Variants in ERC2 observed in about 807,000 individuals in gnomAD.
ERC2 encodes the protein ELKS/RAB6-interacting/CAST family member 2.
In ERC2, 42 loss-of-function variants were observed where a neutral mutation model predicts 114.8. The observed-to-expected ratio is 0.37, with a 90% CI of 0.29 to 0.47. The LOEUF (loss-of-function observed/expected upper bound fraction) is 0.47. Among genes scored for constraint, ERC2 ranks in the 20% least tolerant of loss-of-function variants. The pLI, the probability that ERC2 is intolerant of heterozygous loss-of-function variation, is 0.99. For missense variants in ERC2, 939 were observed against 1,150.7 expected, an observed-to-expected ratio of 0.82 and a Z score of 2.66; for synonymous variants, 454 against 425.5, an observed-to-expected ratio of 1.07 and a Z score of -0.82.
intron 14 of ERC2, among the ~76,000 whole-genome samples, chr3:55,865,480 C>T (rs2062263913): frequency 6.6e-6 from 1 of 152,110 alleles, no homozygotes; most frequent in African/African-American, 2.4e-5. Flanking sequence ...ATACAATTCA[C>T]CTACAATTCA....
At chr3:55,865,553 A>G (rs1187594749) in intron 14 of ERC2, among the ~76,000 whole-genome samples, 1 of 151,956 alleles carries the variant, frequency 6.6e-6, no homozygotes, top group Non-Finnish European at 1.5e-5. Context: ...ATCACCCACA[A>G]TCAAATTTTA....
intron 17 of ERC2, among the ~76,000 whole-genome samples, chr3:55,581,888 C>G (rs2057280409): frequency 6.6e-6 from 1 of 152,154 alleles, no homozygotes; most frequent in Admixed American, 6.5e-5. Flanking sequence ...ACACATGAGT[C>G]TTCATCTAGA....
At chr3:56,396,015 T>C (rs1450003557) in intron 2 of ERC2, among the ~76,000 whole-genome samples, 2 of 152,168 alleles carry the variant, frequency 1.3e-5, no homozygotes, top group African/African-American at 4.8e-5. Flanking sequence ...AAAATGAAAT[T>C]CAATCTTTTT....
At chr3:55,622,970 A>G (rs1217621503) in intron 17 of ERC2, among the ~76,000 whole-genome samples, 1 of 152,242 alleles carries the variant, frequency 6.6e-6, no homozygotes, top group African/African-American at 2.4e-5. Context: ...CTGTGGAGCA[A>G]CAAGGGAAGA....
intron 1 of ERC2, among the ~76,000 whole-genome samples, chr3:56,459,524 A>C (rs59475691): frequency 0.4 from 52,735 of 130,536 alleles, 9,444 homozygotes; most frequent in Admixed American, 0.54. Context: ...TAATGCTATC[A>C]GACCACACAC....
chr3:55,870,321 C>T (rs963098977), intron 14 of ERC2, among the ~76,000 whole-genome samples: 34 of 152,260 alleles, frequency 2.2e-4, no homozygotes, highest in African/African-American at 7.7e-4. Flanking sequence ...GTGATCCTCC[C>T]GCCTCAGCCT....
intron 14 of ERC2, among the ~76,000 whole-genome samples, chr3:55,785,813 T>G (rs1054929871): frequency 3.3e-5 from 5 of 152,248 alleles, no homozygotes; most frequent in Non-Finnish European, 7.3e-5. Flanking sequence ...TAATTGTTAC[T>G]GATAACTTCT....
intron 2 of ERC2, among the ~76,000 whole-genome samples, chr3:56,419,866 G>A (rs1035235942): frequency 1.3e-5 from 2 of 152,276 alleles, no homozygotes; most frequent in Non-Finnish European, 1.5e-5. Context: ...AGTGTACATG[G>A]CTTCCCAAAG....
At chr3:55,609,330 C>T (rs554695178) in intron 17 of ERC2, among the ~76,000 whole-genome samples, 1 of 152,336 alleles carries the variant, frequency 6.6e-6, no homozygotes, top group East Asian at 1.9e-4. Context: ...TAGCTTCCAG[C>T]ATTCCTCCCC....
chr3:55,875,724 A>ACT (rs71887711), intron 14 of ERC2, among the ~76,000 whole-genome samples: 3,565 of 140,982 alleles, frequency 0.025, 106 homozygotes, highest in African/African-American at 0.073. Context: ...ACACACACAC[A>ACT]CTCTCTCTCT....
At chr3:56,304,765 G>T (rs2056110994) in intron 2 of ERC2, among the ~76,000 whole-genome samples, 1 of 152,102 alleles carries the variant, frequency 6.6e-6, no homozygotes, top group South Asian at 2.1e-4. Flanking sequence ...AAATAATTAT[G>T]ATCAGCTCAA....
intron 17 of ERC2, among the ~76,000 whole-genome samples, chr3:55,518,537 C>A (rs932937795): frequency 3.3e-5 from 5 of 152,212 alleles, no homozygotes; most frequent in African/African-American, 1.2e-4. Flanking sequence ...AAATTTATAG[C>A]ATTCCTTCAG....
chr3:55,867,864 C>T (rs925644163), intron 14 of ERC2, among the ~76,000 whole-genome samples: 177 of 152,054 alleles, frequency 1.2e-3, no homozygotes, highest in African/African-American at 4.2e-3. Flanking sequence ...AAGTTTTATA[C>T]AAATTTTTAT....
At position 55,952,174 on chromosome 3, in the gene ERC2, CACACACTCTCTCTCTCTCTCTCTCTATA is replaced by C. The variant is rs1427826465; in HGVS notation, c.2268-1642_2268-1615del. Among the ~76,000 whole-genome samples the C allele has an allele frequency of 1.6e-4, 9 of 55,024 alleles. 1 individual carries two copies. The highest frequency in any genetic ancestry group is 5.1e-4 in the African/African-American group (9 of 17,530). 36.1% of individuals were successfully genotyped at this position (55,024 alleles called of 152,430 possible). On this transcript the variant is annotated intron_variant, in intron 12 of 17. Coordinates refer to ENST00000288221, the MANE Select transcript of ERC2 (RefSeq NM_015576.3). ...ACACACACACACACACACACACACA[CACACACTCTCTCTCTCTCTCTCTCTATA>C]TATATATATATATATTCTGAACACT...
intron 13 of ERC2, among the ~76,000 whole-genome samples, chr3:55,941,693 C>T (rs1013898380): frequency 3.9e-5 from 6 of 152,178 alleles, no homozygotes; most frequent in African/African-American, 1.4e-4. Context: ...AAAATATCCA[C>T]ACTTGTTTTC....
Position 56,434,807 on chromosome 3 carries a change from A to G in ERC2, c.201T>C (p.His67=). ...GGTAGGTTGTTGAAGCCACCCCTTC[A>G]TGATCACTCAGATACATGGGTCCAG... is the stretch of plus-strand genomic sequence containing the variant. ...ATSGPMYLSD[H]EGVASTTYPK... Residue 67 remains histidine (H), a synonymous_variant, in exon 2 of 18, where the codon CAT becomes CAC. Transcript: ENST00000288221. 6.2e-7 allele frequency: 1 copy of G among 1,613,936 alleles called. No individual in the cohort carries two copies. Among genetic ancestry groups the G allele is most frequent in the Non-Finnish European group, 8.5e-7 (1 of 1,179,892 alleles).
rs1559783422 is a variant in ERC2, at chr3:55,864,186, T to TATATATATATACAC, written c.2564+24202_2564+24203insGTGTATATATATAT. On this transcript the variant is annotated intron_variant, in intron 14 of 17. Transcript: ENST00000288221. ...ATATATACACATATATATATACACATATATATATACACATATATATACACA... is the reference window on the plus strand; with the variant it reads ...ATATATACACATATATATATACACATATATATATATACACATATATATACACATATATATACACA... Among the ~76,000 whole-genome samples the TATATATATATACAC allele has an allele frequency of 1.7e-3, 238 of 139,134 alleles. 1 individual carries two copies. The highest frequency in any genetic ancestry group is 6.4e-3 in the African/African-American group (228 of 35,632). 91.3% of individuals were successfully genotyped at this position (139,134 alleles called of 152,430 possible).
At chr3:55,706,088 C>A (rs768562362) in intron 15 of ERC2, among the ~76,000 whole-genome samples, 12 of 152,016 alleles carry the variant, frequency 7.9e-5, no homozygotes, top group Admixed American at 3.9e-4. Flanking sequence ...GGAGCTCACG[C>A]CCCTGAAACA....
Position 55,878,946 on chromosome 3 carries a change from G to A in ERC2, c.2564+9443C>T, listed in dbSNP as rs183713078. On this transcript the variant is annotated intron_variant, in intron 14 of 17. Coordinates refer to ENST00000288221, the MANE Select transcript of ERC2 (RefSeq NM_015576.3). ...GAGCTATGAAACACATCCCTGCTTG[G>A]CTCATATATTTAATAACCTAAGAGT... is the stretch of plus-strand genomic sequence containing the variant. 1.9e-3 allele frequency among the ~76,000 whole-genome samples: 288 copies of A among 152,120 alleles called. 2 individuals are homozygous for A. Among genetic ancestry groups the A allele is most frequent in the Middle Eastern group, 0.01 (3 of 294 alleles).
Sources: allele counts gnomAD v4.1 joint callset (sites outside exome capture counted in the v4.1 genomes callset), GRCh38; gene constraint gnomAD v4.1.1; transcripts MANE v1.5; gene names NCBI Gene and HGNC (gene_info 2026-07-23, HGNC 2026-07-21).